The following CNTN5 variants were observed in gnomAD, a reference collection of about 807,000 sequenced individuals.
CNTN5 encodes contactin-5.
Under a neutral mutation model 129.1 loss-of-function variants are expected in CNTN5, and 77 were observed. The observed-to-expected ratio is 0.60, with a 90% CI of 0.50 to 0.72. The LOEUF (loss-of-function observed/expected upper bound fraction) is 0.72. Among genes scored for constraint, CNTN5 ranks in the 30% least tolerant of loss-of-function variants. The pLI is 0.00. For missense variants in CNTN5, 1,478 were observed against 1,328.8 expected (o/e 1.11, Z -1.75); for synonymous variants, 509 against 465.6 (o/e 1.09, Z -1.20).
intron 7 of CNTN5, among the ~76,000 whole-genome samples, chr11:99,919,404 A>G (rs766495680): frequency 4.6e-5 from 7 of 152,180 alleles, no homozygotes; most frequent in Non-Finnish European, 7.3e-5. Context: ...TATAAAAATA[A>G]AACAAAGGAA....
rs34622017 is a variant in CNTN5 at position 99,792,573 on chromosome 11, G to GTGTGTGTGTGTGTGTCTGTC, written c.56-26968_56-26967insGTGTGTGTGTGTCTGTCTGT. On this transcript the variant is annotated intron_variant, in intron 3 of 24. Transcript: ENST00000524871. ...TGTGTGTGTGTGTGTGTGTGTGTGT[G>GTGTGTGTGTGTGTGTCTGTC]TGTCTGTCTGTCTGTCTGTCTGTCT... 3.9e-3 allele frequency among the ~76,000 whole-genome samples: 451 copies of GTGTGTGTGTGTGTGTCTGTC among 116,670 alleles called. 3 individuals are homozygous for GTGTGTGTGTGTGTGTCTGTC. The highest frequency in any genetic ancestry group is 0.016 in the African/African-American group (429 of 27,258). The allele number at this position is 116,670 out of a possible 152,430, so 76.5% of individuals were successfully genotyped here. A position where few individuals can be genotyped will look rare whatever the true frequency, so the allele number is the denominator to read the frequency against.
chr11:100,217,998 T>C (rs1949180150), intron 15 of CNTN5, among the ~76,000 whole-genome samples: 1 of 152,238 alleles, frequency 6.6e-6, no homozygotes, highest in Admixed American at 6.5e-5. Context: ...CTGTAAAGTT[T>C]AGAGGAGTCC....
At chr11:100,085,150 C>G (rs1459290210) in intron 13 of CNTN5, among the ~76,000 whole-genome samples, 1 of 151,954 alleles carries the variant, frequency 6.6e-6, no homozygotes, top group Non-Finnish European at 1.5e-5. Flanking sequence ...GAAATTCTGT[C>G]TGGGTGTGGC....
chr11:99,855,590 A>G (rs1948007492), intron 6 of CNTN5, among the ~76,000 whole-genome samples: 1 of 152,176 alleles, frequency 6.6e-6, no homozygotes, highest in African/African-American at 2.4e-5. Context: ...TAGTAGAAAG[A>G]AGAGAGTCCA....
At chr11:99,710,845 G>A (rs992916546) in intron 3 of CNTN5, among the ~76,000 whole-genome samples, 2 of 151,966 alleles carry the variant, frequency 1.3e-5, no homozygotes, top group South Asian at 4.1e-4. Flanking sequence ...TCCTTTAGAA[G>A]TAAATTTTAT....
At chr11:100,121,483 A>G (rs1474844452) in intron 13 of CNTN5, among the ~76,000 whole-genome samples, 2 of 151,930 alleles carry the variant, frequency 1.3e-5, no homozygotes, top group Non-Finnish European at 2.9e-5. Context: ...GGAGAGGTAG[A>G]AGATTGAAAA....
Position 99,705,168 on chromosome 11 carries a change from T to C in CNTN5, c.56-114376T>C, listed in dbSNP as rs138248300. ...GTTGAACACATACATATTCTTATTCTGTCCTCTTTTCTAGAAGATTGTGCT... is the reference window on the plus strand; with the variant it reads ...GTTGAACACATACATATTCTTATTCCGTCCTCTTTTCTAGAAGATTGTGCT... On this transcript the variant is annotated intron_variant, in intron 3 of 24. Transcript: ENST00000524871. Among the ~76,000 whole-genome samples, 929 of 151,492 alleles carry C rather than the reference T, an allele frequency of 6.1e-3. 7 individuals are homozygous for C. The highest frequency in any genetic ancestry group is 0.021 in the African/African-American group (883 of 41,486).
chr11:100,248,975 T>G (rs10894664), intron 16 of CNTN5, among the ~76,000 whole-genome samples: 12,810 of 152,216 alleles, frequency 0.084, 558 homozygotes, highest in Non-Finnish European at 0.088. Context: ...GCTTCAATGA[T>G]TTTACCTTCA....
At chr11:99,166,828 T>G (rs1860897747) in intron 1 of CNTN5, among the ~76,000 whole-genome samples, 1 of 140,306 alleles carries the variant, frequency 7.1e-6, no homozygotes, top group Admixed American at 7.6e-5. Context: ...CAGATCTGTT[T>G]GAAGAACATA....
At chr11:100,067,065 G>A (rs920213261) in intron 10 of CNTN5, among the ~76,000 whole-genome samples, 5 of 151,612 alleles carry the variant, frequency 3.3e-5, no homozygotes, top group Non-Finnish European at 5.9e-5. Context: ...TATAGACCTA[G>A]TGGTTTATAA....
intron 6 of CNTN5, among the ~76,000 whole-genome samples, chr11:99,886,008 G>T (rs1948892370): frequency 6.6e-6 from 1 of 151,980 alleles, no homozygotes; most frequent in Non-Finnish European, 1.5e-5. Context: ...CATCAAACTT[G>T]CAAGGAAAAG....
At chr11:100,067,144 CA>C (rs1256812020) in intron 10 of CNTN5, among the ~76,000 whole-genome samples, 8 of 152,056 alleles carry the variant, frequency 5.3e-5, no homozygotes, top group Non-Finnish European at 1.0e-4. Context: ...ACATAACCTA[CA>C]TTTTCCATGT....
intron 13 of CNTN5, among the ~76,000 whole-genome samples, chr11:100,152,229 T>A (rs1947088136): frequency 1.3e-5 from 2 of 152,124 alleles, no homozygotes; most frequent in African/African-American, 4.8e-5. Context: ...TCTTTTAGGC[T>A]ATGATCATCC....
chr11:100,162,044 T>G (rs1947473429), intron 13 of CNTN5, among the ~76,000 whole-genome samples: 2 of 151,688 alleles, frequency 1.3e-5, no homozygotes, highest in African/African-American at 4.8e-5. Flanking sequence ...GAGACAGCCA[T>G]TCATTCGTCC....
At chr11:99,768,123 A>G (rs975641829) in intron 3 of CNTN5, among the ~76,000 whole-genome samples, 1 of 152,068 alleles carries the variant, frequency 6.6e-6, no homozygotes, top group Non-Finnish European at 1.5e-5. Context: ...AATATCTACC[A>G]TCTGTCCTTG....
chr11:99,696,945 C>G (rs1029374923), intron 3 of CNTN5, among the ~76,000 whole-genome samples: 31 of 151,364 alleles, frequency 2.0e-4, no homozygotes, highest in Middle Eastern at 3.2e-3. Flanking sequence ...AAACAAACAA[C>G]AACAACAACA....
chr11:99,862,524 A>C (rs1314672483), intron 6 of CNTN5, among the ~76,000 whole-genome samples: 1 of 152,166 alleles, frequency 6.6e-6, no homozygotes, highest in Non-Finnish European at 1.5e-5. Flanking sequence ...AAAAACAACA[A>C]AACAGCCATG....
intron 3 of CNTN5, among the ~76,000 whole-genome samples, chr11:99,652,524 A>G (rs1394363612): frequency 6.6e-6 from 1 of 151,972 alleles, no homozygotes; most frequent in Non-Finnish European, 1.5e-5. Context: ...ACATCTCACG[A>G]TCCTGTCAAC....
At chr11:99,218,632 G>C (rs1307957695) in intron 1 of CNTN5, among the ~76,000 whole-genome samples, 1 of 152,038 alleles carries the variant, frequency 6.6e-6, no homozygotes, top group Non-Finnish European at 1.5e-5. Flanking sequence ...TCACCATTAT[G>C]TATTTGGGTT....
Sources: allele counts gnomAD v4.1 joint callset (sites outside exome capture counted in the v4.1 genomes callset), GRCh38; gene constraint gnomAD v4.1.1; transcripts MANE v1.5; gene names NCBI Gene and HGNC (gene_info 2026-07-23, HGNC 2026-07-21).